MSMO1: variants seen among roughly 807,000 people sequenced by gnomAD.
The protein encoded by MSMO1 is C-4 methylsterol oxidase.
Under a neutral mutation model 30.4 loss-of-function variants are expected in MSMO1, and 18 were observed. The ratio of observed to expected loss-of-function variants is 0.59; its 90% CI spans 0.41 to 0.88. The LOEUF is 0.88. Among genes scored for constraint, MSMO1 ranks in the 40% least tolerant of loss-of-function variants. MSMO1 has a pLI of 0.00. For synonymous variants in MSMO1, 84 were observed against 107.9 expected (o/e 0.78, Z 1.37); for missense variants, 284 against 340.5 (o/e 0.83, Z 1.31).
intron 1 of MSMO1, among the ~76,000 whole-genome samples, chr4:165,328,730 C>T (rs1747305891): frequency 6.6e-6 from 1 of 152,244 alleles, no homozygotes; most frequent in Non-Finnish European, 1.5e-5. Context: ...TTTCCCCTCT[C>T]CTCTTTAATT....
chr4:165,341,939 C>T lies in MSMO1; in HGVS notation c.875C>T (p.Thr292Ile). 19 of 1,607,900 alleles carry T rather than the reference C, an allele frequency of 1.2e-5. No individual in the cohort carries two copies. Among genetic ancestry groups the T allele is most frequent in the Non-Finnish European group, 1.6e-5 (19 of 1,175,358 alleles). The change falls in exon 6 of 6, where the codon ACT (threonine) becomes ATT (isoleucine). Residue 292 changes from threonine to isoleucine, a missense_variant. Transcript: ENST00000261507. ...NEKRKKFEKK[T>I]E ...AAGAGGAAGAAGTTTGAGAAAAAGA[C>T]TGAATAAATATCTCACGTAAACCTT...
chr4:165,341,372 C>T (rs1405361426), intron 5 of MSMO1, among the ~76,000 whole-genome samples: 1 of 152,078 alleles, frequency 6.6e-6, no homozygotes, highest in Admixed American at 6.6e-5. Flanking sequence ...TCCTAAAAAA[C>T]ATATTTAGTA....
intron 2 of MSMO1, 93 bp from the exon 3 acceptor site, chr4:165,337,696 G>A (rs1747597645): frequency 3.9e-6 from 5 of 1,286,734 alleles, no homozygotes; most frequent in Non-Finnish European, 5.6e-6. Flanking sequence ...AACTGACGTA[G>A]AATTAAGGTC....
intron 1 of MSMO1, among the ~76,000 whole-genome samples, chr4:165,328,685 TAAAGGA>T (rs1359833990): frequency 6.6e-6 from 1 of 152,138 alleles, no homozygotes; most frequent in African/African-American, 2.4e-5. Context: ...CAAGAATGAG[TAAAGGA>T]AAAGGAAATT....
At chr4:165,340,814 G>A (rs1376656904) in intron 5 of MSMO1, among the ~76,000 whole-genome samples, 25 of 152,078 alleles carry the variant, frequency 1.6e-4, no homozygotes, top group Admixed American at 1.6e-3. Context: ...ACATTTTGTG[G>A]TAAATTATTT....
chr4:165,336,557 AG>A (rs1747551111), intron 2 of MSMO1, among the ~76,000 whole-genome samples: 2 of 152,218 alleles, frequency 1.3e-5, no homozygotes, highest in Admixed American at 6.5e-5. Flanking sequence ...TATTAACCAT[AG>A]TTGCTGTAGG....
Position 165,341,873 on chromosome 4 carries a change from GA to G in MSMO1, c.811del (p.Ile271PhefsTer28), listed in dbSNP as rs775381655. 1 of 1,613,352 alleles carries G rather than the reference GA, an allele frequency of 6.2e-7. No individual in the cohort carries two copies. Among genetic ancestry groups the G allele is most frequent in the Non-Finnish European group, 8.5e-7 (1 of 1,179,490 alleles). ...NYASTFTWWD[R>X]IFGTDSQYNA... ...GCTTCAACATTTACATGGTGGGATC[GA>G]ATTTTTGGAACAGACTCTCAGTATA... On this transcript the variant is annotated frameshift_variant, in exon 6 of 6. Coordinates refer to ENST00000261507, the MANE Select transcript of MSMO1 (RefSeq NM_006745.5). LOFTEE classifies it high-confidence loss of function.
At chr4:165,332,585 C>T (rs1036387710) in intron 1 of MSMO1, among the ~76,000 whole-genome samples, 1 of 152,190 alleles carries the variant, frequency 6.6e-6, no homozygotes, top group Admixed American at 6.5e-5. Context: ...TGTATCCCCC[C>T]TGCCCACAGT....
intron 2 of MSMO1, among the ~76,000 whole-genome samples, chr4:165,336,973 C>T (rs927516744): frequency 3.3e-5 from 5 of 152,164 alleles, no homozygotes; most frequent in Admixed American, 6.5e-5. Flanking sequence ...CAGTAGTTCC[C>T]GTACTTTGGA....
intron 1 of MSMO1, among the ~76,000 whole-genome samples, chr4:165,331,512 A>G (rs1462318745): frequency 3.1e-5 from 3 of 96,030 alleles, no homozygotes; most frequent in African/African-American, 8.9e-5. Context: ...CACAGGATGG[A>G]ACACTATAGT....
At chr4:165,338,855 T>A in intron 4 of MSMO1, 77 bp downstream of exon 4, 1 of 1,253,526 alleles carries the variant, frequency 8.0e-7, no homozygotes, top group East Asian at 2.4e-5. Flanking sequence ...TTTTCTAAAA[T>A]TGTTGGTGAC....
chr4:165,337,267 C>A (rs980211239), intron 2 of MSMO1, among the ~76,000 whole-genome samples: 1 of 152,152 alleles, frequency 6.6e-6, no homozygotes, highest in African/African-American at 2.4e-5. Flanking sequence ...TCTGTGAACT[C>A]CATAATCAGG....
chr4:165,330,798 A>G (rs80208231), intron 1 of MSMO1, among the ~76,000 whole-genome samples: 1 of 152,062 alleles, frequency 6.6e-6, no homozygotes, highest in Non-Finnish European at 1.5e-5. Context: ...CCTCATTTCA[A>G]GCGATTCACC....
Position 165,340,347 on chromosome 4 carries a change from C to T in MSMO1, c.658C>T (p.Arg220Cys). The change falls in exon 5 of 6, where the codon CGT (arginine) becomes TGT (cysteine). Residue 220 changes from arginine to cysteine, a missense_variant. Physicochemically the swap from Arg to Cys is radical, Grantham distance 180. Coordinates refer to ENST00000261507, the MANE Select transcript of MSMO1 (RefSeq NM_006745.5). ...TCTTCTTTGGGCATGGGTGACCATTCGTTTATTAGAAACTATTGATGTCCA... is the reference window on the plus strand; with the variant it reads ...TCTTCTTTGGGCATGGGTGACCATTTGTTTATTAGAAACTATTGATGTCCA... ...VILLWAWVTI[R>C]LLETIDVHSG... 2.5e-6 allele frequency: 4 copies of T among 1,613,494 alleles called. No homozygotes were observed. The highest frequency in any genetic ancestry group is 2.2e-5 in the East Asian group (1 of 44,836).
rs377232490 is a variant in MSMO1, at chr4:165,340,221, G to A, written c.532G>A (p.Ala178Thr). ...AGAATTTCTTATCTGTTTGTCTTAGGCTCCATTTGGAATGGAAGCTGAATA... is the reference window on the plus strand; with the variant it reads ...AGAATTTCTTATCTGTTTGTCTTAGACTCCATTTGGAATGGAAGCTGAATA... ...YIHKVHHEFQ[A>T]PFGMEAEYAH... Residue 178 changes from alanine to threonine, a missense_variant and splice_region_variant, in exon 5 of 6, where the codon GCT becomes ACT. Transcript: ENST00000261507. The A allele has an allele frequency of 2.5e-6, 4 of 1,613,148 alleles. No individual in the cohort carries two copies. The highest frequency in any genetic ancestry group is 1.3e-5 in the African/African-American group (1 of 74,846).
At chr4:165,336,786 C>T (rs1747561264) in intron 2 of MSMO1, among the ~76,000 whole-genome samples, 1 of 152,218 alleles carries the variant, frequency 6.6e-6, no homozygotes, top group Admixed American at 6.5e-5. Flanking sequence ...GCACAAGTCT[C>T]TGGATTGATT....
intron 5 of MSMO1, among the ~76,000 whole-genome samples, chr4:165,341,276 A>G (rs1053816004): frequency 6.6e-6 from 1 of 152,140 alleles, no homozygotes; most frequent in Non-Finnish European, 1.5e-5. Flanking sequence ...CCAACTTGTC[A>G]TTGCCTAAAA....
At chr4:165,333,733 A>G in intron 2 of MSMO1, 108 bp downstream of exon 2, 1 of 1,198,178 alleles carries the variant, frequency 8.3e-7, no homozygotes. Flanking sequence ...TCCAATAGAA[A>G]TATGAAGCCA....
chr4:165,329,439 A>C (rs1272466671), intron 1 of MSMO1, among the ~76,000 whole-genome samples: 1 of 151,852 alleles, frequency 6.6e-6, no homozygotes, highest in African/African-American at 2.4e-5. Flanking sequence ...TTATGAACTC[A>C]GGGGTAAGGG....
Sources: allele counts gnomAD v4.1 joint callset (sites outside exome capture counted in the v4.1 genomes callset), GRCh38; gene constraint gnomAD v4.1.1; transcripts MANE v1.5; gene names NCBI Gene and HGNC (gene_info 2026-07-23, HGNC 2026-07-21).